The following MYO3B variants were observed in gnomAD, a reference collection of about 807,000 sequenced individuals.
MYO3B encodes the protein myosin IIIB, also known as myosin-IIIb.
In MYO3B, 156 loss-of-function variants were observed where a neutral mutation model predicts 174.6. The observed-to-expected ratio is 0.89, with a 90% confidence interval of 0.78 to 1.02. The LOEUF (loss-of-function observed/expected upper bound fraction) is 1.02, where lower values mean the gene tolerates loss of function less well. Ranked by LOEUF, MYO3B falls within the 50% of genes least tolerant of loss-of-function variation. The pLI, the probability that MYO3B is intolerant of heterozygous loss-of-function variation, is 0.00. For missense variants in MYO3B, 1,632 were observed against 1,639.4 expected (o/e 1.00, Z 0.08); for synonymous variants, 563 against 569.1 (o/e 0.99, Z 0.15).
chr2:170,180,281 A>T, intron 1 of MYO3B: 1 of 329,146 alleles, frequency 3.0e-6, no homozygotes, highest in Non-Finnish European at 6.6e-6. Flanking sequence ...AGCTCACGAG[A>T]AACTCAAATC....
intron 32 of MYO3B, among the ~76,000 whole-genome samples, chr2:170,567,460 C>G (rs1197665977): frequency 6.6e-6 from 1 of 152,168 alleles, no homozygotes; most frequent in Non-Finnish European, 1.5e-5. Context: ...CTCTTTGGAC[C>G]TAAAAGTATG....
chr2:170,505,460 G>A (rs1185115954), intron 28 of MYO3B, among the ~76,000 whole-genome samples: 1 of 152,126 alleles, frequency 6.6e-6, no homozygotes, highest in Non-Finnish European at 1.5e-5. Context: ...AATAGATGGT[G>A]TATTCTAAGT....
chr2:170,620,669 G>A (rs1695835116), intron 32 of MYO3B, among the ~76,000 whole-genome samples: 1 of 152,228 alleles, frequency 6.6e-6, no homozygotes, highest in African/African-American at 2.4e-5. Context: ...GGGGTAGATG[G>A]AAAATGGCCC....
intron 10 of MYO3B, chr2:170,382,850 A>C: frequency 2.4e-6 from 1 of 411,548 alleles, no homozygotes; most frequent in Non-Finnish European, 4.4e-6. Flanking sequence ...AGCAAGTCCT[A>C]AGTGGGCCTA....
intron 9 of MYO3B, among the ~76,000 whole-genome samples, chr2:170,376,605 A>ATTT (rs10655853): frequency 0.079 from 11,374 of 144,876 alleles, 917 homozygotes; most frequent in East Asian, 0.23. Context: ...CCCTCTCTCT[A>ATTT]TTTTTTTTTT....
chr2:170,423,729 C>T (rs1324392327), intron 22 of MYO3B, among the ~76,000 whole-genome samples: 4 of 151,912 alleles, frequency 2.6e-5, no homozygotes, highest in Admixed American at 6.6e-5. Flanking sequence ...TACAGGCGTG[C>T]ACCACCACAC....
intron 32 of MYO3B, among the ~76,000 whole-genome samples, chr2:170,555,427 C>T (rs1691217776): frequency 6.6e-6 from 1 of 152,182 alleles, no homozygotes; most frequent in South Asian, 2.1e-4. Context: ...ATTCCTCCCT[C>T]CCCACAAGCC....
In MYO3B at chr2:170,369,295, C is replaced by A. The variant is rs754766991; in HGVS notation, c.889C>A (p.His297Asn). The change falls in exon 9 of 35, where the codon CAT becomes AAT. Residue 297 changes from histidine to asparagine, a missense_variant. Physicochemically the swap from His to Asn is moderately conservative, Grantham distance 68. Transcript: ENST00000408978. ...TGACCACCCATTTATTAAAGGAGTACATGGAAAAGTTCTGTTTCTGCAAAA... is the reference window on the plus strand; with the variant it reads ...TGACCACCCATTTATTAAAGGAGTAAATGGAAAAGTTCTGTTTCTGCAAAA... Reference protein sequence around the residue: ...LLDHPFIKGVHGKVLFLQKQL... With the variant: ...LLDHPFIKGVNGKVLFLQKQL... 3.1e-6 allele frequency: 5 copies of A among 1,613,778 alleles called. No homozygotes were observed. The highest frequency in any genetic ancestry group is 1.1e-5 in the South Asian group (1 of 91,022).
At chr2:170,432,200 G>A (rs1481501462) in intron 22 of MYO3B, among the ~76,000 whole-genome samples, 2 of 152,072 alleles carry the variant, frequency 1.3e-5, no homozygotes, top group Admixed American at 1.3e-4. Context: ...TCTTTAGGAG[G>A]TATTCTAGAA....
intron 28 of MYO3B, among the ~76,000 whole-genome samples, chr2:170,507,016 C>T (rs547434138): frequency 2.6e-5 from 4 of 152,268 alleles, no homozygotes; most frequent in African/African-American, 9.6e-5. Flanking sequence ...GGTCATTTCA[C>T]ACAAAAGCTA....
intron 32 of MYO3B, among the ~76,000 whole-genome samples, chr2:170,604,772 A>T (rs1401638626): frequency 6.6e-6 from 1 of 152,236 alleles, no homozygotes; most frequent in Non-Finnish European, 1.5e-5. Context: ...GTGACCCTTA[A>T]GGAACATGGT....
intron 7 of MYO3B, among the ~76,000 whole-genome samples, chr2:170,321,535 A>G (rs1484727827): frequency 6.6e-6 from 1 of 152,204 alleles, no homozygotes; most frequent in Non-Finnish European, 1.5e-5. Context: ...TGAACACCTT[A>G]ATGAAAGGGT....
intron 7 of MYO3B, among the ~76,000 whole-genome samples, chr2:170,256,725 C>T (rs1165365402): frequency 2.0e-5 from 3 of 152,030 alleles, no homozygotes; most frequent in African/African-American, 2.4e-5. Flanking sequence ...CAGCTAATAA[C>T]ATCATGACAG....
intron 7 of MYO3B, among the ~76,000 whole-genome samples, chr2:170,301,874 C>CTTTTT (rs10538086): frequency 4.0e-5 from 3 of 74,736 alleles, no homozygotes; most frequent in East Asian, 4.1e-4. Flanking sequence ...AAAGTGGAGG[C>CTTTTT]TTTTTTTTTT....
chr2:170,214,763 AC>A lies in MYO3B; in HGVS notation c.463del (p.Arg155ValfsTer3), dbSNP rs1365542285. The A allele has an allele frequency of 2.5e-6, 4 of 1,614,160 alleles. No individual in the cohort carries two copies. The highest frequency in any genetic ancestry group is 1.7e-5 in the Admixed American group (1 of 60,020). ...LQHLHNNRII[H>X]RDVKGNNILL... ...CATTTGCACAACAACCGAATCATCC[AC>A]CGTGATGTGAAGGGGAATAACATTC... is the stretch of plus-strand genomic sequence containing the variant. On this transcript the variant is annotated frameshift_variant, in exon 5 of 35. Transcript: ENST00000408978. LOFTEE classifies it high-confidence loss of function.
rs1280042553 is a variant in MYO3B, at chr2:170,204,505, A to G, written c.321+4221A>G. On this transcript the variant is annotated intron_variant, in intron 3 of 34. Transcript: ENST00000408978. The stretch of plus-strand genomic sequence containing the variant: ...AAGTTGATGGCTTATTGAGCAAGGA[A>G]CATTTTATTGCTTGAAATGATGACT... 2.6e-5 allele frequency among the ~76,000 whole-genome samples: 4 copies of G among 152,244 alleles called. No individual in the cohort carries two copies. In the East Asian group the frequency reaches 7.7e-4, roughly 29 times the overall value.
chr2:170,536,285 GTCA>G (rs1689676565), intron 30 of MYO3B, among the ~76,000 whole-genome samples: 1 of 152,222 alleles, frequency 6.6e-6, no homozygotes, highest in African/African-American at 2.4e-5. Flanking sequence ...TTATGAGACA[GTCA>G]TCAGCCTTTT....
At chr2:170,191,258 G>C (rs1301068034) in intron 1 of MYO3B, among the ~76,000 whole-genome samples, 1 of 151,860 alleles carries the variant, frequency 6.6e-6, no homozygotes, top group Non-Finnish European at 1.5e-5. Context: ...CAGAAGGAAA[G>C]AGTCTCTTCT....
intron 32 of MYO3B, among the ~76,000 whole-genome samples, chr2:170,580,718 A>ATGTATATGTG (rs1553529321): frequency 7.0e-6 from 1 of 142,702 alleles, no homozygotes; most frequent in Non-Finnish European, 1.5e-5. Flanking sequence ...AACCTTATAT[A>ATGTATATGTG]TGTGTGTGTG....
Sources: gnomAD v4.1 joint callset for allele counts (sites outside exome capture counted in the v4.1 genomes callset) on GRCh38, gnomAD v4.1.1 for gene constraint, MANE v1.5 for transcripts, NCBI Gene and HGNC (gene_info 2026-07-23, HGNC 2026-07-21) for gene names.